The following SCARB1 variants were observed in gnomAD, a reference collection of about 807,000 sequenced individuals.
The protein encoded by SCARB1 is CD36 and LIMPII analogous 1.
Under a neutral mutation model 57.2 loss-of-function variants are expected in SCARB1, and 30 were observed. The ratio of observed to expected loss-of-function variants is 0.52; its 90% CI spans 0.39 to 0.71. The LOEUF (loss-of-function observed/expected upper bound fraction) is 0.71, where lower values mean the gene tolerates loss of function less well. SCARB1 is among the 30% of genes least tolerant of loss of function. The pLI is 0.00. For missense variants in SCARB1, 543 were observed against 671.2 expected (o/e 0.81, Z 2.11); for synonymous variants, 249 against 268.3 (o/e 0.93, Z 0.70).
At chr12:124,792,579 G>C (rs1222530803) in intron 9 of SCARB1, among the ~76,000 whole-genome samples, 1 of 151,796 alleles carries the variant, frequency 6.6e-6, no homozygotes. Flanking sequence ...AAAATTAGCT[G>C]GGTGTACTAG....
At chr12:124,804,025 C>T (rs575831066) in intron 7 of SCARB1, among the ~76,000 whole-genome samples, 4 of 152,340 alleles carry the variant, frequency 2.6e-5, no homozygotes, top group Admixed American at 2.6e-4. Flanking sequence ...ATGGGCATGT[C>T]GTTTCTCCCC....
intron 1 of SCARB1, chr12:124,821,358 C>A (rs1950951137): frequency 2.0e-6 from 2 of 985,070 alleles, no homozygotes; most frequent in Non-Finnish European, 2.4e-6. Context: ...GCTGGAGATA[C>A]CTTTCTCCTT....
rs1003434295 is a variant in SCARB1, at chr12:124,810,956, T to C, written c.727-667A>G. ...TTGGGGTACGATTTGTCCCTAGCCC[T>C]CAGGGTCTTTGCAGTAACTACCACG... On this transcript the variant is annotated intron_variant, in intron 5 of 12. Coordinates refer to ENST00000261693, the MANE Select transcript of SCARB1 (RefSeq NM_005505.5). The surrounding 1 kb of genome is among the most constrained non-coding windows in gnomAD (Gnocchi z 4.0). 6.6e-6 allele frequency among the ~76,000 whole-genome samples: 1 copy of C among 152,184 alleles called. No individual in the cohort carries two copies. Among genetic ancestry groups the C allele is most frequent in the Admixed American group, 6.5e-5 (1 of 15,278 alleles).
chr12:124,803,689 CAAAAAA>C (rs58564503), intron 7 of SCARB1, among the ~76,000 whole-genome samples: 836 of 47,664 alleles, frequency 0.018, 7 homozygotes, highest in Admixed American at 0.027. Flanking sequence ...CCCACCTCTA[CAAAAAA>C]AAAAAAAAAA....
chr12:124,858,240 G>A (rs906182954), intron 1 of SCARB1, among the ~76,000 whole-genome samples: 5 of 152,156 alleles, frequency 3.3e-5, no homozygotes, highest in South Asian at 2.1e-4. Flanking sequence ...TCTCCTTAAC[G>A]GACACTGAAG....
At position 124,814,163 on chromosome 12, in the gene SCARB1, C is replaced by G; in HGVS notation, c.630+39G>C. 6.3e-7 allele frequency: 1 copy of G among 1,584,674 alleles called. No individual in the cohort carries two copies. The highest frequency in any genetic ancestry group is 8.7e-7 in the Non-Finnish European group (1 of 1,153,490). ...GGCTGTGTGAGGGGAAGACAGGACA[C>G]AGGCCTGAATCTTTGGCTTCTCACC... On this transcript the variant is annotated intron_variant, in intron 4 of 12. Coordinates refer to ENST00000261693, the MANE Select transcript of SCARB1 (RefSeq NM_005505.5). This position sits in a 1 kb window ranked among gnomAD's most constrained non-coding sequence, Gnocchi z 4.7.
rs1287987975 is a variant in SCARB1, at chr12:124,776,928, T to C, written c.*1659A>G. The C allele has an allele frequency of 2.0e-5, 3 of 152,114 alleles. No homozygotes were observed. Among genetic ancestry groups the C allele is most frequent in the Non-Finnish European group, 4.4e-5 (3 of 68,030 alleles). The allele number at this position is 152,114 out of a possible 1,614,324, so 9.4% of individuals were successfully genotyped here. A position where few individuals can be genotyped will look rare whatever the true frequency, so the allele number is the denominator to read the frequency against. ...TAATAAAAGGCTTAAAAGCATCAAATATAAATATCATTTAGATAAAATTTT... is the reference window on the plus strand; with the variant it reads ...TAATAAAAGGCTTAAAAGCATCAAACATAAATATCATTTAGATAAAATTTT... On this transcript the variant is annotated 3_prime_UTR_variant, in exon 13 of 13. Transcript: ENST00000261693.
At chr12:124,834,685 A>C (rs938049560) in intron 1 of SCARB1, among the ~76,000 whole-genome samples, 1 of 152,172 alleles carries the variant, frequency 6.6e-6, no homozygotes, top group Non-Finnish European at 1.5e-5. Flanking sequence ...AGATAGGAGG[A>C]TCACTTGAGC....
At position 124,812,045 on chromosome 12, in the gene SCARB1, C is replaced by T. The variant is rs1950552863; in HGVS notation, c.631-80G>A. The T allele has an allele frequency of 3.0e-6, 3 of 1,007,030 alleles. No individual in the cohort carries two copies. Among genetic ancestry groups the T allele is most frequent in the East Asian group, 5.2e-5 (2 of 38,214 alleles). The allele number at this position is 1,007,030 out of a possible 1,614,324, so 62.4% of individuals were successfully genotyped here. A position where few individuals can be genotyped will look rare whatever the true frequency, so the allele number is the denominator to read the frequency against. ...CCTGGTCTGAACATTCTGGGCTGAG[C>T]CCTCCTCCCCCTCCACCAGAAGGAC... On this transcript the variant is annotated intron_variant, in intron 4 of 12. Transcript: ENST00000261693. This position sits in a 1 kb window ranked among gnomAD's most constrained non-coding sequence, Gnocchi z 4.3.
intron 1 of SCARB1, among the ~76,000 whole-genome samples, chr12:124,845,417 G>A (rs568057459): frequency 6.6e-6 from 1 of 152,126 alleles, no homozygotes; most frequent in South Asian, 2.1e-4. Context: ...GTGCAGGGCC[G>A]GGCACGGTGG....
Position 124,839,053 on chromosome 12 carries a change from A to G in SCARB1, c.127-21346T>C, listed in dbSNP as rs1216975873. Among the ~76,000 whole-genome samples, 4 of 152,154 alleles carry G rather than the reference A, an allele frequency of 2.6e-5. No individual in the cohort carries two copies. In the East Asian group the frequency reaches 7.7e-4, roughly 29 times the overall value. On this transcript the variant is annotated intron_variant, in intron 1 of 12. Transcript: ENST00000261693. ...CTCCAAAAGTACTGGGATTACAGGC[A>G]TGAGCCACTACACGCCCAGCCCAAC...
At chr12:124,863,514 C>A in intron 1 of SCARB1, 81 bp downstream of exon 1, 1 of 1,485,146 alleles carries the variant, frequency 6.7e-7, no homozygotes. Flanking sequence ...GCCCACCCAC[C>A]GCAACGCGCG....
intron 1 of SCARB1, among the ~76,000 whole-genome samples, chr12:124,855,235 C>G (rs948182413): frequency 3.3e-5 from 5 of 152,170 alleles, no homozygotes; most frequent in African/African-American, 1.2e-4. Context: ...CTCCCCAGCA[C>G]AGGCAATCAG....
In SCARB1 at chr12:124,782,160, C is replaced by T. The variant is rs548738729; in HGVS notation, c.*523G>A. Among the ~76,000 whole-genome samples the T allele has an allele frequency of 2.6e-5, 4 of 152,290 alleles. 1 individual carries two copies. The highest frequency in any genetic ancestry group is 1.9e-4 in the East Asian group (1 of 5,188). ...CTGACCTCAAATGATCCACCTGCTT[C>T]GGCCTCCCAAAGTGCTGGATTACAG... On this transcript the variant is annotated intron_variant, in intron 12 of 12. Coordinates refer to ENST00000261693, the MANE Select transcript of SCARB1 (RefSeq NM_005505.5).
chr12:124,784,134 C>T (rs1313543343), intron 11 of SCARB1: 1 of 152,414 alleles, frequency 6.6e-6, no homozygotes, highest in Non-Finnish European at 1.5e-5. Flanking sequence ...CCAGGGACCC[C>T]CTCATGTGGC....
chr12:124,863,157 C>T (rs978345341), intron 1 of SCARB1, among the ~76,000 whole-genome samples: 3 of 152,228 alleles, frequency 2.0e-5, no homozygotes, highest in African/African-American at 7.2e-5. Flanking sequence ...TCACAGGATA[C>T]AAGCAAAGTG....
rs3043265 is a variant in SCARB1 at position 124,794,400 on chromosome 12, C to CTTTTTTTTTT, written c.1202+785_1202+794dup. 3.6e-4 allele frequency among the ~76,000 whole-genome samples: 43 copies of CTTTTTTTTTT among 119,874 alleles called. 1 individual carries two copies. The highest frequency in any genetic ancestry group is 1.2e-3 in the African/African-American group (35 of 30,186). 78.6% of individuals were successfully genotyped at this position (119,874 alleles called of 152,430 possible). ...AGAGGAAATCAGTGCTTGAAAAATT[C>CTTTTTTTTTT]TTTTTTTTTTTTTTTTTTGAGACGG... On this transcript the variant is annotated intron_variant, in intron 9 of 12. Coordinates refer to ENST00000261693, the MANE Select transcript of SCARB1 (RefSeq NM_005505.5).
chr12:124,787,384 G>C, intron 10 of SCARB1, 22 bp downstream of exon 10: 1 of 1,612,246 alleles, frequency 6.2e-7, no homozygotes, highest in Non-Finnish European at 8.5e-7. Flanking sequence ...AGCCCCCGAC[G>C]CTGTGCCCAA....
chr12:124,800,698 A>G lies in SCARB1; in HGVS notation c.1010-456T>C, dbSNP rs1950098051. ...CCAAGCAGCCCACACTGTCCCCTGC[A>G]GGACACGCAGCAATGATCGGAGCTC... is the stretch of plus-strand genomic sequence containing the variant. On this transcript the variant is annotated intron_variant, in intron 7 of 12. Transcript: ENST00000261693. This position sits in a 1 kb window ranked among gnomAD's most constrained non-coding sequence, Gnocchi z 4.8. Among the ~76,000 whole-genome samples the G allele has an allele frequency of 6.6e-6, 1 of 152,202 alleles. No homozygotes were observed. Among genetic ancestry groups the G allele is most frequent in the Admixed American group, 6.5e-5 (1 of 15,284 alleles).
Sources: gnomAD v4.1 joint callset for allele counts (sites outside exome capture counted in the v4.1 genomes callset) on GRCh38, gnomAD v4.1.1 for gene constraint, Gnocchi (gnomAD v3.1) non-coding constraint, MANE v1.5 for transcripts, NCBI Gene and HGNC (gene_info 2026-07-23, HGNC 2026-07-21) for gene names.